Variants in TRIM72 observed in about 807,000 individuals in gnomAD.
TRIM72 encodes tripartite motif-containing protein 72.
A neutral mutation model predicts 31.6 loss-of-function variants in TRIM72; 33 were observed. That is an observed-to-expected ratio of 1.04 (90% CI 0.79 to 1.40). The LOEUF is 1.40. Ranked by LOEUF, TRIM72 falls within the 40% of genes most tolerant of loss-of-function variation. The probability of loss-of-function intolerance (pLI) is 0.00; values close to 1 mark genes in which losing one functional copy is unlikely to be tolerated. For synonymous variants in TRIM72, 301 were observed against 314.4 expected (o/e 0.96, Z 0.45); for missense variants, 666 against 682.7 (o/e 0.98, Z 0.27).
intron 1 of TRIM72, 32 bp from the exon 2 acceptor site, chr16:31,214,700 G>A (rs1207928219): frequency 6.6e-7 from 1 of 1,508,626 alleles, no homozygotes; most frequent in Non-Finnish European, 8.8e-7. Context: ...CGGCGCCGCG[G>A]GGTCCCCCTA....
chr16:31,224,351 G>C lies in TRIM72; in HGVS notation c.1030G>C (p.Glu344Gln), dbSNP rs1373999972. The C allele has an allele frequency of 6.3e-7, 1 of 1,577,202 alleles. No homozygotes were observed. The change falls in exon 7 of 7, where the codon GAG (glutamate) becomes CAG (glutamine). Residue 344 changes from glutamate to glutamine, a missense_variant. By Grantham distance (29) the Glu-to-Gln change is conservative. Transcript: ENST00000322122. ...GGCGCACCAGCAGCTCTCCGAGGGC[G>C]AGCACTACTGGGAGGTGGATGTTGG... ...VVAHQQLSEGEHYWEVDVGDK... is the reference protein window; with the variant it reads ...VVAHQQLSEGQHYWEVDVGDK...
In TRIM72 at chr16:31,214,301, A is replaced by G. The variant is rs376184944; in HGVS notation, c.-8+4A>G. 1.1e-3 allele frequency: 176 copies of G among 161,444 alleles called. No individual in the cohort carries two copies. Among genetic ancestry groups the G allele is most frequent in the African/African-American group, 4.1e-3 (170 of 41,810 alleles). 10.0% of individuals were successfully genotyped at this position (161,444 alleles called of 1,614,324 possible). A position where few individuals can be genotyped will look rare whatever the true frequency, so the allele number is the denominator to read the frequency against. ...CCTAAGATCTCCAACCAGACCTGTG[A>G]GTCCCGTGGGCTGGAGAGAGGGGGA... On this transcript the variant is annotated splice_donor_region_variant and intron_variant, in intron 1 of 6. Transcript: ENST00000322122.
In TRIM72 at chr16:31,215,071, C is replaced by A. The variant is rs773978056; in HGVS notation, c.333C>A (p.Leu111=). ...TGGTGTGCGGAGTGTGCGCCTCACT[C>A]GGCTCGCACCGCGGTCATCGCCTCC... ...RALVCGVCAS[L]GSHRGHRLLP... is the part of the protein sequence containing the mutation. Residue 111 remains leucine (L), a synonymous_variant, in exon 2 of 7, where the codon CTC becomes CTA. Transcript: ENST00000322122. This position sits in a 1 kb window ranked among gnomAD's most constrained non-coding sequence, Gnocchi z 6.3. 1.4e-6 allele frequency: 2 copies of A among 1,457,770 alleles called. No individual in the cohort carries two copies. Among genetic ancestry groups the A allele is most frequent in the Admixed American group, 2.6e-5 (1 of 39,012 alleles). 90.3% of individuals were successfully genotyped at this position (1,457,770 alleles called of 1,614,324 possible). A position where few individuals can be genotyped will look rare whatever the true frequency, so the allele number is the denominator to read the frequency against.
chr16:31,217,152 T>C, intron 2 of TRIM72: 1 of 1,037,710 alleles, frequency 9.6e-7, no homozygotes, highest in Non-Finnish European at 1.4e-6. Flanking sequence ...GCAGCTCCTA[T>C]TCAACCCTGT....
Position 31,214,921 on chromosome 16 carries a change from G to A in TRIM72, c.183G>A (p.Arg61=), listed in dbSNP as rs1165978866. ...GCCCCTGCTGCCAGGCCCCCACGCG[G>A]CCGCAGGCACTCAGCACCAACCTGC... ...VLCPCCQAPT[R]PQALSTNLQL... Residue 61 remains arginine, a synonymous_variant, in exon 2 of 7, where the codon CGG becomes CGA. Transcript: ENST00000322122. 6.6e-7 allele frequency: 1 copy of A among 1,510,192 alleles called. No homozygotes were observed. The highest frequency in any genetic ancestry group is 2.1e-5 in the Admixed American group (1 of 48,370). 93.5% of individuals were successfully genotyped at this position (1,510,192 alleles called of 1,614,324 possible). A position where few individuals can be genotyped will look rare whatever the true frequency, so the allele number is the denominator to read the frequency against.
At position 31,222,814 on chromosome 16, in the gene TRIM72, T is replaced by TC; in HGVS notation, c.741-9dup. ...CCCTCACACATGCCTCCCCTTCCCC[T>TC]CCCCACCCCCAGGCTGCAGAAGATC... is the stretch of plus-strand genomic sequence containing the variant. On this transcript the variant is annotated splice_polypyrimidine_tract_variant and intron_variant, in intron 5 of 6. Coordinates refer to ENST00000322122, the MANE Select transcript of TRIM72 (RefSeq NM_001008274.4). 1.6e-4 allele frequency: 35 copies of TC among 213,856 alleles called. No individual in the cohort carries two copies. The highest frequency in any genetic ancestry group is 3.0e-4 in the South Asian group (7 of 23,436). The allele number at this position is 213,856 out of a possible 1,614,324, so 13.2% of individuals were successfully genotyped here.
chr16:31,220,204 G>A (rs1296471293), intron 4 of TRIM72, among the ~76,000 whole-genome samples: 1 of 151,824 alleles, frequency 6.6e-6, no homozygotes, highest in East Asian at 1.9e-4. Flanking sequence ...TACCTGGCTA[G>A]TTTTTGTATT....
rs71151456 is a variant in TRIM72, at chr16:31,230,725, CAAAAAAAAAA to C, written c.*5980_*5989del. ...TGGGTGACAGAGCGAGACTCCGCCTCAAAAAAAAAAAAAAAAAAAGGTAACCGGACTCTTT... is the reference window on the plus strand; with the variant it reads ...TGGGTGACAGAGCGAGACTCCGCCTCAAAAAAAAAGGTAACCGGACTCTTT... On this transcript the variant is annotated 3_prime_UTR_variant, in exon 7 of 7. Transcript: ENST00000322122. The C allele has an allele frequency of 3.3e-5, 3 of 92,152 alleles. No individual in the cohort carries two copies. Among genetic ancestry groups the C allele is most frequent in the Non-Finnish European group, 5.9e-5 (3 of 51,114 alleles). 5.7% of individuals were successfully genotyped at this position (92,152 alleles called of 1,614,324 possible). A position where few individuals can be genotyped will look rare whatever the true frequency, so the allele number is the denominator to read the frequency against.
At chr16:31,220,456 GTTTTTTTTTTT>G (rs71151452) in intron 4 of TRIM72, among the ~76,000 whole-genome samples, 26 of 29,582 alleles carry the variant, frequency 8.8e-4, no homozygotes, top group East Asian at 3.4e-3. Flanking sequence ...TCTCTTTTGC[GTTTTTTTTTTT>G]TTTTTTTTTT....
Position 31,219,066 on chromosome 16 carries a change from C to T in TRIM72, c.391-29C>T, listed in dbSNP as rs777590037. ...TGTGGGTTTTGGGTGGGTGGCATCC[C>T]CATCACTTCTCCATGCCTCGACCCC... is the stretch of plus-strand genomic sequence containing the variant. On this transcript the variant is annotated intron_variant, in intron 2 of 6. Transcript: ENST00000322122. This position sits in a 1 kb window ranked among gnomAD's most constrained non-coding sequence, Gnocchi z 4.2. 1.3e-6 allele frequency: 2 copies of T among 1,549,022 alleles called. No homozygotes were observed. Among genetic ancestry groups the T allele is most frequent in the Non-Finnish European group, 1.7e-6 (2 of 1,145,400 alleles).
At chr16:31,223,072 C>T (rs4516243) in intron 6 of TRIM72, 127 bp downstream of exon 6, 1 of 725,476 alleles carries the variant, frequency 1.4e-6, no homozygotes, top group Non-Finnish European at 2.4e-6. Flanking sequence ...TGCCCCTTTG[C>T]CTCTGGACTG....
At position 31,219,315 on chromosome 16, in the gene TRIM72, C is replaced by G; in HGVS notation, c.513C>G (p.Ala171=). The G allele has an allele frequency of 1.2e-6, 2 of 1,614,080 alleles. No individual in the cohort carries two copies. The highest frequency in any genetic ancestry group is 1.7e-6 in the Non-Finnish European group (2 of 1,180,010). Residue 171 remains alanine, a synonymous_variant, in exon 4 of 7, where the codon GCC becomes GCG. Coordinates refer to ENST00000322122, the MANE Select transcript of TRIM72 (RefSeq NM_001008274.4). The surrounding 1 kb of genome is among the most constrained non-coding windows in gnomAD (Gnocchi z 4.2). ...VEETVRQFRG[A]VGEQLGKMRV... ...AGACAGTGCGTCAGTTCCGGGGGGCCGTGGGGGAGCAGCTGGGCAAGATGC... is the reference window on the plus strand; with the variant it reads ...AGACAGTGCGTCAGTTCCGGGGGGCGGTGGGGGAGCAGCTGGGCAAGATGC...
intron 2 of TRIM72, among the ~76,000 whole-genome samples, chr16:31,218,075 C>T (rs554489286): frequency 2.0e-5 from 3 of 152,242 alleles, no homozygotes; most frequent in Admixed American, 2.0e-4. Context: ...TTTCTTCTTT[C>T]ATATATCCTT....
rs202126650 is a variant in TRIM72, at chr16:31,216,712, G to A, written c.390+1584G>A. 2.9e-5 allele frequency: 46 copies of A among 1,561,068 alleles called. No homozygotes were observed. Among genetic ancestry groups the A allele is most frequent in the Non-Finnish European group, 3.9e-5 (45 of 1,150,204 alleles). ...GACCTGACGCGTGGGTCCTTGGCGA[G>A]GAAGCGGGGTTGGGTCCCGAGATCA... is the stretch of plus-strand genomic sequence containing the variant. On this transcript the variant is annotated intron_variant, in intron 2 of 6. Coordinates refer to ENST00000322122, the MANE Select transcript of TRIM72 (RefSeq NM_001008274.4). The surrounding 1 kb of genome is among the most constrained non-coding windows in gnomAD (Gnocchi z 6.7).
intron 2 of TRIM72, among the ~76,000 whole-genome samples, chr16:31,218,402 G>A (rs1412833882): frequency 6.6e-6 from 1 of 152,078 alleles, no homozygotes; most frequent in Non-Finnish European, 1.5e-5. Flanking sequence ...AAAAATCATG[G>A]CCAGGAGTGG....
intron 5 of TRIM72, among the ~76,000 whole-genome samples, chr16:31,221,801 C>T (rs1320655152): frequency 5.2e-5 from 7 of 134,358 alleles, no homozygotes; most frequent in Admixed American, 7.6e-5. Flanking sequence ...AAGGGCATTG[C>T]GGGGAGAAGG....
In TRIM72 at chr16:31,216,748, C is replaced by T. The variant is rs902521216; in HGVS notation, c.390+1620C>T. ...TGGGTCCCGAGATCACGTACCAGCT[C>T]AGAGTGGCCCTCACGCAGCCCGCTG... On this transcript the variant is annotated intron_variant, in intron 2 of 6. Coordinates refer to ENST00000322122, the MANE Select transcript of TRIM72 (RefSeq NM_001008274.4). This position sits in a 1 kb window ranked among gnomAD's most constrained non-coding sequence, Gnocchi z 6.7. 11 of 1,593,994 alleles carry T rather than the reference C, an allele frequency of 6.9e-6. No homozygotes were observed. Among genetic ancestry groups the T allele is most frequent in the Non-Finnish European group, 9.4e-6 (11 of 1,166,828 alleles).
chr16:31,215,220 C>T lies in TRIM72; in HGVS notation c.390+92C>T. On this transcript the variant is annotated intron_variant, in intron 2 of 6. Transcript: ENST00000322122. This position sits in a 1 kb window ranked among gnomAD's most constrained non-coding sequence, Gnocchi z 6.3. ...CTGCAGTGATTTGGATTCTGAGTCT[C>T]TAGAGAGGCTCACGAGCTCCTGGAG... The T allele has an allele frequency of 7.3e-7, 1 of 1,361,968 alleles. No individual in the cohort carries two copies. The highest frequency in any genetic ancestry group is 9.4e-7 in the Non-Finnish European group (1 of 1,058,968). The allele number at this position is 1,361,968 out of a possible 1,614,324, so 84.4% of individuals were successfully genotyped here. A position where few individuals can be genotyped will look rare whatever the true frequency, so the allele number is the denominator to read the frequency against.
chr16:31,221,483 C>T (rs1181273732), intron 5 of TRIM72, among the ~76,000 whole-genome samples: 5 of 126,006 alleles, frequency 4.0e-5, no homozygotes, highest in Non-Finnish European at 8.0e-5. Context: ...AGAAGAAGGG[C>T]ATTGCTGGGA....
Sources: gnomAD v4.1 joint callset for allele counts (sites outside exome capture counted in the v4.1 genomes callset) on GRCh38, gnomAD v4.1.1 for gene constraint, Gnocchi (gnomAD v3.1) non-coding constraint, MANE v1.5 for transcripts, NCBI Gene and HGNC (gene_info 2026-07-23, HGNC 2026-07-21) for gene names.